The following ATP11C variants were observed in gnomAD, a reference collection of about 807,000 sequenced individuals.
The protein encoded by ATP11C is phospholipid-transporting ATPase IG.
A neutral mutation model predicts 97.4 loss-of-function variants in ATP11C; 36 were observed. The observed-to-expected ratio is 0.37, with a 90% CI of 0.28 to 0.49. ATP11C has a LOEUF of 0.49. ATP11C is among the 20% of genes least tolerant of loss of function. The pLI is 0.98. For missense variants in ATP11C, 730 were observed against 824.6 expected (o/e 0.89, Z 1.40); for synonymous variants, 275 against 290.9 (o/e 0.95, Z 0.56).
chrX:139,832,930 G>A (rs1355648061), intron 1 of ATP11C, among the ~76,000 whole-genome samples: 3 of 111,789 alleles, frequency 2.7e-5, no homozygotes, highest in Non-Finnish European at 5.6e-5. Context: ...AAAATGCCTT[G>A]ACCAGCATCA....
At chrX:139,746,234 A>G (rs1437639456) in intron 24 of ATP11C, among the ~76,000 whole-genome samples, 1 of 110,574 alleles carries the variant, frequency 9.0e-6, no homozygotes, top group Non-Finnish European at 1.9e-5. Context: ...TGCTAATAAT[A>G]AGGAGCCTCA....
intron 1 of ATP11C, among the ~76,000 whole-genome samples, chrX:139,842,342 TC>T (rs750482639): frequency 8.9e-6 from 1 of 112,425 alleles, no homozygotes; most frequent in East Asian, 2.8e-4. Context: ...GTACCAATCT[TC>T]CTCCTGCCAT....
chrX:139,730,101 T>C (rs769383013), intron 29 of ATP11C, among the ~76,000 whole-genome samples: 45 of 111,790 alleles, frequency 4.0e-4, no homozygotes, highest in Non-Finnish European at 7.0e-4. Flanking sequence ...GGAGAAATAA[T>C]GCCACATGAA....
intron 20 of ATP11C, among the ~76,000 whole-genome samples, chrX:139,765,238 AAT>A: frequency 8.9e-6 from 1 of 111,904 alleles, no homozygotes; most frequent in African/African-American, 3.2e-5. Context: ...GAAAAAAAAA[AAT>A]ATTTTACCAA....
chrX:139,798,111 C>T (rs771567530), intron 10 of ATP11C, among the ~76,000 whole-genome samples, 162 bp downstream of exon 10: 4 of 112,099 alleles, frequency 3.6e-5, no homozygotes, highest in African/African-American at 1.3e-4. Context: ...CCAAATCAGA[C>T]ATACAAATCA....
intron 1 of ATP11C, among the ~76,000 whole-genome samples, chrX:139,850,836 G>A (rs1484282019): frequency 2.7e-5 from 3 of 110,845 alleles, no homozygotes; most frequent in Non-Finnish European, 5.7e-5. Context: ...GTTGAACCCG[G>A]GAGGCGGAGG....
At chrX:139,731,361 G>A (rs2081337415) in intron 29 of ATP11C, among the ~76,000 whole-genome samples, 1 of 111,875 alleles carries the variant, frequency 8.9e-6, no homozygotes, top group South Asian at 3.7e-4. Context: ...TCACATGGTG[G>A]CCTTGCCATG....
At chrX:139,895,393 C>G (rs536966554) in intron 1 of ATP11C, among the ~76,000 whole-genome samples, 2 of 111,317 alleles carry the variant, frequency 1.8e-5, no homozygotes, top group East Asian at 5.7e-4. Context: ...GTCTTAGCCT[C>G]CTGAGTAGCT....
chrX:139,781,652 G>A (rs955586454), intron 18 of ATP11C, among the ~76,000 whole-genome samples: 1 of 111,917 alleles, frequency 8.9e-6, no homozygotes, highest in Non-Finnish European at 1.9e-5. Context: ...AGAAGGCAGA[G>A]GTTGCAGTGA....
chrX:139,763,047 C>T (rs1249597248), intron 21 of ATP11C, among the ~76,000 whole-genome samples: 1 of 112,450 alleles, frequency 8.9e-6, no homozygotes, highest in Non-Finnish European at 1.9e-5. Context: ...ATCAATTGTG[C>T]TGCCAGTAGC....
At chrX:139,881,673 T>C (rs544711169) in intron 1 of ATP11C, among the ~76,000 whole-genome samples, 1 of 112,184 alleles carries the variant, frequency 8.9e-6, no homozygotes, top group South Asian at 3.7e-4. Context: ...TAAATACATA[T>C]GAGCCATTAG....
At chrX:139,749,184 T>A (rs755284767) in intron 24 of ATP11C, among the ~76,000 whole-genome samples, 2 of 111,904 alleles carry the variant, frequency 1.8e-5, no homozygotes, top group Non-Finnish European at 1.9e-5. Flanking sequence ...TCTACTTTTA[T>A]GTATGTCTGA....
At chrX:139,903,310 G>C in intron 1 of ATP11C, among the ~76,000 whole-genome samples, 1 of 110,912 alleles carries the variant, frequency 9.0e-6, no homozygotes, top group East Asian at 2.8e-4. Flanking sequence ...AGGACTCAGG[G>C]GGCAGGCCTC....
intron 1 of ATP11C, among the ~76,000 whole-genome samples, chrX:139,889,015 C>T (rs1165645089): frequency 9.0e-6 from 1 of 111,284 alleles, no homozygotes; most frequent in Non-Finnish European, 1.9e-5. Flanking sequence ...ACCATTTTGG[C>T]CAGGCTGGTC....
chrX:139,893,579 A>C (rs4354480), intron 1 of ATP11C, among the ~76,000 whole-genome samples: 72 of 111,559 alleles, frequency 6.5e-4, no homozygotes, highest in African/African-American at 2.2e-3. Context: ...TATCATGAGC[A>C]TAACAGGTAA....
At chrX:139,809,840 C>A (rs2083130398) in intron 5 of ATP11C, among the ~76,000 whole-genome samples, 1 of 110,627 alleles carries the variant, frequency 9.0e-6, no homozygotes, top group Non-Finnish European at 1.9e-5. Context: ...GTGGCGCATG[C>A]CTGTAATCCC....
intron 15 of ATP11C, among the ~76,000 whole-genome samples, chrX:139,786,326 T>C (rs1210362466): frequency 1.3e-4 from 14 of 111,780 alleles, no homozygotes; most frequent in Non-Finnish European, 3.8e-5. Flanking sequence ...GTCATTAGTC[T>C]TGCGGGAGTA....
intron 15 of ATP11C, among the ~76,000 whole-genome samples, chrX:139,785,980 T>C (rs5954529): frequency 0.18 from 20,219 of 110,322 alleles, 3,154 homozygotes; most frequent in African/African-American, 0.5. Flanking sequence ...AGTTCACCAA[T>C]GCCCAAAAAA....
At chrX:139,918,160 T>C (rs376104853) in intron 1 of ATP11C, among the ~76,000 whole-genome samples, 1 of 111,080 alleles carries the variant, frequency 9.0e-6, no homozygotes, top group African/African-American at 3.3e-5. Flanking sequence ...ATCCAAAGAA[T>C]TGAAAGCACA....
Sources: allele counts gnomAD v4.1 joint callset (sites outside exome capture counted in the v4.1 genomes callset), GRCh38; gene constraint gnomAD v4.1.1; transcripts MANE v1.5; gene names NCBI Gene and HGNC (gene_info 2026-07-23, HGNC 2026-07-21).